The following ADAM12 variants were observed in gnomAD, a reference collection of about 807,000 sequenced individuals.
ADAM12 encodes the protein disintegrin and metalloproteinase domain-containing protein 12.
Under a neutral mutation model 106.4 loss-of-function variants are expected in ADAM12, and 70 were observed. The observed-to-expected ratio is 0.66, with a 90% confidence interval of 0.54 to 0.80. ADAM12 has a LOEUF of 0.80. ADAM12 is among the 30% of genes least tolerant of loss of function. The probability of loss-of-function intolerance (pLI) is 0.00; values close to 1 mark genes in which losing one functional copy is unlikely to be tolerated. For missense variants in ADAM12, 1,010 were observed against 1,171.9 expected (o/e 0.86, Z 2.02); for synonymous variants, 420 against 433.5 (o/e 0.97, Z 0.39).
At chr10:126,034,306 A>G (rs1052701546) in intron 21 of ADAM12, among the ~76,000 whole-genome samples, 1 of 152,220 alleles carries the variant, frequency 6.6e-6, no homozygotes, top group African/African-American at 2.4e-5. Flanking sequence ...GATAGAGGCC[A>G]TGGATGCTGC....
chr10:126,181,509 G>A (rs1352994128), intron 3 of ADAM12, among the ~76,000 whole-genome samples: 1 of 152,126 alleles, frequency 6.6e-6, no homozygotes, highest in Non-Finnish European at 1.5e-5. Context: ...TATTTCATAA[G>A]TATAGTATCT....
intron 14 of ADAM12, among the ~76,000 whole-genome samples, chr10:126,051,161 C>T (rs1476523281): frequency 2.6e-5 from 4 of 152,256 alleles, no homozygotes; most frequent in African/African-American, 4.8e-5. Flanking sequence ...GTGGAACCTG[C>T]ACTTTGTGCT....
rs1346497649 is a variant in ADAM12 at position 126,133,539 on chromosome 10, C to T, written c.416+2045G>A. On this transcript the variant is annotated intron_variant, in intron 5 of 22. Coordinates refer to ENST00000448723, the MANE Select transcript of ADAM12 (RefSeq NM_001288973.2). ...CTCTGAAGACACCTACCCAAGCCTCCGCTTCTGTGCACATTCCCTACAGTC... is the reference window on the plus strand; with the variant it reads ...CTCTGAAGACACCTACCCAAGCCTCTGCTTCTGTGCACATTCCCTACAGTC... Among the ~76,000 whole-genome samples, 8 of 152,176 alleles carry T rather than the reference C, an allele frequency of 5.3e-5. No homozygotes were observed. In the South Asian group the frequency reaches 6.2e-4, roughly 12 times the overall value.
Position 126,036,164 on chromosome 10 carries a change from A to G in ADAM12, c.2511T>C (p.Pro837=), listed in dbSNP as rs748427339. 3.4e-6 allele frequency: 5 copies of G among 1,490,084 alleles called. No homozygotes were observed. In the South Asian group the frequency reaches 6.9e-5, roughly 21 times the overall value. The allele number at this position is 1,490,084 out of a possible 1,614,324, so 92.3% of individuals were successfully genotyped here. ...SVPARPLPAK[P]ALRQAQGTCK... is the part of the protein sequence containing the mutation. ...AGCATACCTGGGCCTGCCTAAGTGC[A>G]GGCTTGGCTGGCAGGGGTCTGGCAG... The change falls in exon 21 of 23, where the codon CCT becomes CCC. Residue 837 remains proline (P), a synonymous_variant. Transcript: ENST00000448723.
intron 1 of ADAM12, 106 bp downstream of exon 1, chr10:126,387,952 G>C: frequency 8.6e-7 from 1 of 1,156,638 alleles, no homozygotes; most frequent in Middle Eastern, 3.6e-4. Context: ...GAGATGCGCC[G>C]GGGCGCGTCG....
chr10:126,031,464 G>C (rs954917091), intron 21 of ADAM12, among the ~76,000 whole-genome samples: 4 of 152,198 alleles, frequency 2.6e-5, no homozygotes, highest in Non-Finnish European at 4.4e-5. Context: ...GCCAGCACCT[G>C]ACTGATCTAC....
intron 3 of ADAM12, among the ~76,000 whole-genome samples, chr10:126,196,730 G>T (rs1957603445): frequency 6.6e-6 from 1 of 152,148 alleles, no homozygotes; most frequent in African/African-American, 2.4e-5. Flanking sequence ...ATAGTTCATG[G>T]TAACTGCCTG....
At position 126,344,378 on chromosome 10, in the gene ADAM12, C is replaced by T. The variant is rs572664255; in HGVS notation, c.89-13869G>A. The stretch of plus-strand genomic sequence containing the variant: ...GAGGGCTCTGTTCTGTTCCATTGGT[C>T]TTTATCTCTGTTTTGGTACCAGTAC... On this transcript the variant is annotated intron_variant, in intron 1 of 22. Coordinates refer to ENST00000448723, the MANE Select transcript of ADAM12 (RefSeq NM_001288973.2). Among the ~76,000 whole-genome samples the T allele has an allele frequency of 1.7e-3, 259 of 152,200 alleles. 7 individuals carry two copies. Among genetic ancestry groups the T allele is most frequent in the South Asian group, 9.8e-3 (47 of 4,806 alleles).
chr10:126,030,722 G>A (rs1236709650), intron 21 of ADAM12, among the ~76,000 whole-genome samples: 1 of 152,166 alleles, frequency 6.6e-6, no homozygotes, highest in Non-Finnish European at 1.5e-5. Context: ...TGATGTTTGT[G>A]TCTGATGAAT....
chr10:126,206,863 G>GC lies in ADAM12; in HGVS notation c.261-51559_261-51558insG, dbSNP rs374628687. On this transcript the variant is annotated intron_variant, in intron 3 of 22. Transcript: ENST00000448723. ...GAATTCCCATGTGTTGTGGGGGCGG[G>GC]GGGGAGCCAGTGGGAGGTAATTGAA... Among the ~76,000 whole-genome samples the GC allele has an allele frequency of 1.5e-3, 221 of 148,050 alleles. 9 individuals carry two copies. Among genetic ancestry groups the GC allele is most frequent in the African/African-American group, 5.1e-3 (209 of 40,782 alleles).
intron 1 of ADAM12, among the ~76,000 whole-genome samples, chr10:126,387,192 G>C: frequency 6.6e-6 from 1 of 152,208 alleles, no homozygotes; most frequent in Admixed American, 6.5e-5. Context: ...GAAAGAAGGC[G>C]GCGGCGGCGG....
chr10:126,060,824 G>T lies in ADAM12; in HGVS notation c.1609+3982C>A, dbSNP rs536397738. 7.5e-4 allele frequency among the ~76,000 whole-genome samples: 114 copies of T among 152,302 alleles called. 1 individual carries two copies. Among genetic ancestry groups the T allele is most frequent in the South Asian group, 4.8e-3 (23 of 4,824 alleles). On this transcript the variant is annotated intron_variant, in intron 14 of 22. Transcript: ENST00000448723. The stretch of plus-strand genomic sequence containing the variant: ...AGGCAGGAGTGCACAGGGACTGTGG[G>T]AAGTGTGTCACTCTGGCAGAGTCGG...
intron 1 of ADAM12, among the ~76,000 whole-genome samples, chr10:126,351,813 G>C (rs1268222183): frequency 6.6e-6 from 1 of 152,150 alleles, no homozygotes. Flanking sequence ...AGTGCCCAAA[G>C]ACTCTAGTTG....
At chr10:126,029,061 C>T (rs752923115) in intron 21 of ADAM12, among the ~76,000 whole-genome samples, 6 of 152,190 alleles carry the variant, frequency 3.9e-5, no homozygotes, top group Admixed American at 6.5e-5. Flanking sequence ...GCTACCATCT[C>T]ATGCCAGTCA....
At chr10:126,050,393 G>A (rs1044291346) in intron 14 of ADAM12, among the ~76,000 whole-genome samples, 2 of 152,212 alleles carry the variant, frequency 1.3e-5, no homozygotes, top group Non-Finnish European at 2.9e-5. Flanking sequence ...AGTTCTGGAG[G>A]ACTCCTGAAT....
intron 14 of ADAM12, among the ~76,000 whole-genome samples, chr10:126,055,903 C>T (rs2133456311): frequency 6.6e-6 from 1 of 152,314 alleles, no homozygotes; most frequent in Non-Finnish European, 1.5e-5. Flanking sequence ...GTGAGATTTC[C>T]CTTTAAAACT....
At chr10:126,254,597 C>T (rs903169454) in intron 3 of ADAM12, among the ~76,000 whole-genome samples, 5 of 152,142 alleles carry the variant, frequency 3.3e-5, no homozygotes, top group South Asian at 4.1e-4. Flanking sequence ...CCGGTCCAGG[C>T]GGGAGGCCCT....
At chr10:126,252,009 AATGG>A (rs796941048) in intron 3 of ADAM12, among the ~76,000 whole-genome samples, 101 of 3,636 alleles carry the variant, frequency 0.028, no homozygotes, top group Admixed American at 0.037. Flanking sequence ...GGGATGGATA[AATGG>A]ATGGATGGAT....
intron 3 of ADAM12, chr10:126,272,776 C>G: frequency 3.6e-6 from 1 of 280,088 alleles, no homozygotes. Context: ...AGGCCATGTG[C>G]TGCCTCCAGG....
Sources: gnomAD v4.1 joint callset for allele counts (sites outside exome capture counted in the v4.1 genomes callset) on GRCh38, gnomAD v4.1.1 for gene constraint, MANE v1.5 for transcripts, NCBI Gene and HGNC (gene_info 2026-07-23, HGNC 2026-07-21) for gene names.